HEATR5A: variants seen among roughly 807,000 people sequenced by gnomAD.
HEATR5A encodes the protein HEAT repeat-containing protein 5A.
HEATR5A carries 178 observed loss-of-function variants against 218.8 expected under a neutral mutation model. The observed-to-expected ratio is 0.81, with a 90% CI of 0.72 to 0.92. The LOEUF (loss-of-function observed/expected upper bound fraction) is 0.92. Among genes scored for constraint, HEATR5A ranks in the 40% least tolerant of loss-of-function variants. HEATR5A has a pLI of 0.00. For synonymous variants in HEATR5A, 864 were observed against 871.6 expected (o/e 0.99, Z 0.15); for missense variants, 2,420 against 2,418.9 (o/e 1.00, Z -0.01).
At chr14:31,404,958 C>T (rs1280560053) in intron 1 of HEATR5A, among the ~76,000 whole-genome samples, 1 of 149,798 alleles carries the variant, frequency 6.7e-6, no homozygotes, top group Non-Finnish European at 1.5e-5. Context: ...TGTGCGATGG[C>T]TCATGCCTGT....
chr14:31,312,269 T>C (rs996077948), intron 28 of HEATR5A, among the ~76,000 whole-genome samples: 6 of 152,172 alleles, frequency 3.9e-5, no homozygotes, highest in Admixed American at 6.5e-5. Flanking sequence ...CTACATTATT[T>C]ATGGAAGAAA....
intron 11 of HEATR5A, among the ~76,000 whole-genome samples, chr14:31,378,540 C>A (rs943485575): frequency 5.3e-5 from 8 of 152,146 alleles, no homozygotes; most frequent in African/African-American, 1.7e-4. Context: ...GTAATCCCAG[C>A]GCTTTGGGAG....
In HEATR5A at chr14:31,377,387, T is replaced by C. The variant is rs368311075; in HGVS notation, c.1709-2419A>G. On this transcript the variant is annotated intron_variant, in intron 11 of 35. Coordinates refer to ENST00000543095, the MANE Select transcript of HEATR5A (RefSeq NM_015473.4). ...CGCAAGTGATTAAAACATATAAATA[T>C]ATAAAATTCCATGAGCTCATAATGA... 2.5e-4 allele frequency among the ~76,000 whole-genome samples: 36 copies of C among 146,556 alleles called. 1 individual carries two copies. The South Asian group carries it at 7.9e-3, about 32-fold the overall frequency.
chr14:31,336,235 T>C (rs1163465509), intron 22 of HEATR5A, among the ~76,000 whole-genome samples: 5 of 93,062 alleles, frequency 5.4e-5, no homozygotes, highest in African/African-American at 2.9e-4. Context: ...TATATATATA[T>C]ATATATATAT....
chr14:31,330,235 G>A lies in HEATR5A; in HGVS notation c.3368-3893C>T, dbSNP rs1006428186. On this transcript the variant is annotated intron_variant, in intron 22 of 35. Coordinates refer to ENST00000543095, the MANE Select transcript of HEATR5A (RefSeq NM_015473.4). ...CTCAGTTCTTGAATTCTGTGCACCA[G>A]CAGGCCCAACACCATGTAGAAGCTG... is the stretch of plus-strand genomic sequence containing the variant. Among the ~76,000 whole-genome samples the A allele has an allele frequency of 2.6e-5, 4 of 152,304 alleles. No individual in the cohort carries two copies. The East Asian group carries it at 7.7e-4, about 29-fold the overall frequency.
intron 28 of HEATR5A, among the ~76,000 whole-genome samples, chr14:31,310,040 C>G (rs11624467): frequency 0.16 from 24,736 of 152,060 alleles, 2,202 homozygotes; most frequent in East Asian, 0.35. Flanking sequence ...GTTAATACCA[C>G]TAATTCTTGC....
chr14:31,413,948 C>T (rs2031366725), intron 1 of HEATR5A, among the ~76,000 whole-genome samples: 2 of 152,334 alleles, frequency 1.3e-5, no homozygotes, highest in Non-Finnish European at 2.9e-5. Context: ...CATCACTTCA[C>T]TTTTATGTCT....
chr14:31,380,598 G>A lies in HEATR5A; in HGVS notation c.1597-20C>T. The A allele has an allele frequency of 6.8e-7, 1 of 1,478,330 alleles. No individual in the cohort carries two copies. The highest frequency in any genetic ancestry group is 9.2e-7 in the Non-Finnish European group (1 of 1,083,248). 91.6% of individuals were successfully genotyped at this position (1,478,330 alleles called of 1,614,324 possible). On this transcript the variant is annotated intron_variant, in intron 10 of 35. Coordinates refer to ENST00000543095, the MANE Select transcript of HEATR5A (RefSeq NM_015473.4). The stretch of plus-strand genomic sequence containing the variant: ...AATAATCTATTTACATATAGAACAA[G>A]TTTTAAAAAAAGCATATCAGTTTAT...
At chr14:31,416,295 T>C (rs2031445447) in intron 1 of HEATR5A, among the ~76,000 whole-genome samples, 1 of 152,084 alleles carries the variant, frequency 6.6e-6, no homozygotes, top group Non-Finnish European at 1.5e-5. Flanking sequence ...TTTTTTTTTG[T>C]ATTTTTAGTA....
Position 31,308,916 on chromosome 14 carries a change from A to G in HEATR5A, c.4690+18T>C, listed in dbSNP as rs1201809948. 4 of 1,597,702 alleles carry G rather than the reference A, an allele frequency of 2.5e-6. No individual in the cohort carries two copies. The highest frequency in any genetic ancestry group is 3.4e-6 in the Non-Finnish European group (4 of 1,169,610). On this transcript the variant is annotated intron_variant, in intron 29 of 35. Coordinates refer to ENST00000543095, the MANE Select transcript of HEATR5A (RefSeq NM_015473.4). ...AAAACCCCTAAGGTTGTAAACTTGT[A>G]AAAGTGGTTTAACTGACCTAAAATA...
At chr14:31,360,547 T>C (rs925548025) in intron 14 of HEATR5A, among the ~76,000 whole-genome samples, 4 of 152,206 alleles carry the variant, frequency 2.6e-5, no homozygotes, top group African/African-American at 9.6e-5. Flanking sequence ...ACCTCAAAGA[T>C]GTTTTATCCT....
chr14:31,323,699 A>T lies in HEATR5A; in HGVS notation c.3653T>A (p.Phe1218Tyr). 6.2e-7 allele frequency: 1 copy of T among 1,613,762 alleles called. No individual in the cohort carries two copies. The highest frequency in any genetic ancestry group is 8.5e-7 in the Non-Finnish European group (1 of 1,179,772). The change falls in exon 24 of 36, where the codon TTT becomes TAT. Residue 1218 changes from phenylalanine (F) to tyrosine (Y), a missense_variant. Phe to Tyr is a conservative substitution (Grantham distance 22, BLOSUM62 3). Transcript: ENST00000543095. ...TTRRDEKSHP[F>Y]TNPRWATRVF... ...TCTAGTAGCCCATCGGGGATTGGTA[A>T]AAGGATGGGATTTTTCATCACGTCT...
intron 7 of HEATR5A, among the ~76,000 whole-genome samples, chr14:31,388,260 A>G (rs1190551561): frequency 6.6e-6 from 1 of 152,164 alleles, no homozygotes; most frequent in Non-Finnish European, 1.5e-5. Context: ...ATATATGTGA[A>G]TTTTTCAAAA....
intron 4 of HEATR5A, among the ~76,000 whole-genome samples, chr14:31,397,974 G>C (rs1232426304): frequency 2.0e-5 from 3 of 152,122 alleles, no homozygotes; most frequent in South Asian, 4.1e-4. Context: ...AAGGTGCTAA[G>C]TTGTCCTTAC....
Position 31,383,618 on chromosome 14 carries a change from G to C in HEATR5A, c.1499C>G (p.Ser500Cys), listed in dbSNP as rs770457017. 3.7e-6 allele frequency: 6 copies of C among 1,613,882 alleles called. No individual in the cohort carries two copies. The highest frequency in any genetic ancestry group is 5.1e-6 in the Non-Finnish European group (6 of 1,179,888). ...RCLERLTGHK[S>C]SPEAVTGFSF... ...GAAGCCAGTCACTGCTTCAGGTGAAGACTTATGTCCAGTAAGCCGTTCAAG... is the reference window on the plus strand; with the variant it reads ...GAAGCCAGTCACTGCTTCAGGTGAACACTTATGTCCAGTAAGCCGTTCAAG... Residue 500 changes from serine (S) to cysteine (C), a missense_variant, in exon 10 of 36, where the codon TCT becomes TGT. Ser to Cys is a moderately radical substitution (Grantham distance 112, BLOSUM62 -1). Coordinates refer to ENST00000543095, the MANE Select transcript of HEATR5A (RefSeq NM_015473.4).
chr14:31,350,934 C>T (rs1268843136), intron 16 of HEATR5A, among the ~76,000 whole-genome samples: 9 of 152,142 alleles, frequency 5.9e-5, no homozygotes, highest in Non-Finnish European at 1.2e-4. Flanking sequence ...TGCACCACCA[C>T]ACCCGGTTAA....
At chr14:31,308,506 TA>T (rs34745602) in intron 29 of HEATR5A, among the ~76,000 whole-genome samples, 95 of 125,902 alleles carry the variant, frequency 7.5e-4, no homozygotes, top group East Asian at 1.9e-3. Context: ...AAACTCTGTC[TA>T]AAAAAAAAAA....
In HEATR5A at chr14:31,383,588, A is replaced by G. The variant is rs768960151; in HGVS notation, c.1529T>C (p.Phe510Ser). 2 of 1,613,926 alleles carry G rather than the reference A, an allele frequency of 1.2e-6. No homozygotes were observed. The highest frequency in any genetic ancestry group is 2.7e-5 in the African/African-American group (2 of 75,062). ...TGCTCCCAACAAAGCTGCTACAGCA[A>G]AACTGAAGCCAGTCACTGCTTCAGG... ...SSPEAVTGFS[F>S]AVAALLGAVK... The change falls in exon 10 of 36, where the codon TTT (phenylalanine) becomes TCT (serine). Residue 510 changes from phenylalanine to serine, a missense_variant. Coordinates refer to ENST00000543095, the MANE Select transcript of HEATR5A (RefSeq NM_015473.4).
At position 31,325,978 on chromosome 14, in the gene HEATR5A, T is replaced by C. The variant is rs559536174; in HGVS notation, c.3547+185A>G. On this transcript the variant is annotated intron_variant, in intron 23 of 35. Transcript: ENST00000543095. ...AGAGCAGGCTTAAGTATTGGATTTA[T>C]ATTGTTCAAATTACAGAGAATTCTA... The C allele has an allele frequency of 6.6e-4, 408 of 613,768 alleles. 7 individuals carry two copies. In the South Asian group the frequency reaches 7.8e-3, roughly 12 times the overall value. 38.0% of individuals were successfully genotyped at this position (613,768 alleles called of 1,614,324 possible).
Sources: gnomAD v4.1 joint callset for allele counts (sites outside exome capture counted in the v4.1 genomes callset) on GRCh38, gnomAD v4.1.1 for gene constraint, MANE v1.5 for transcripts, NCBI Gene and HGNC (gene_info 2026-07-23, HGNC 2026-07-21) for gene names.